The following PDE11A variants were observed in gnomAD, a reference collection of about 807,000 sequenced individuals.
PDE11A encodes dual 3',5'-cyclic-AMP and -GMP phosphodiesterase 11A.
Under a neutral mutation model 100.5 loss-of-function variants are expected in PDE11A, and 100 were observed. The observed-to-expected ratio is 1.00, with a 90% CI of 0.85 to 1.18. The LOEUF is 1.18. Among genes scored for constraint, PDE11A ranks in the 50% most tolerant of loss-of-function variants. The probability of loss-of-function intolerance (pLI) is 0.00; values close to 1 mark genes in which losing one functional copy is unlikely to be tolerated. For synonymous variants in PDE11A, 381 were observed against 420.8 expected, an observed-to-expected ratio of 0.91 and a Z score of 1.16; for missense variants, 1,141 against 1,152.6, an observed-to-expected ratio of 0.99 and a Z score of 0.15.
At chr2:177,630,101 A>C (rs1477820138) in intron 19 of PDE11A, among the ~76,000 whole-genome samples, 2 of 152,228 alleles carry the variant, frequency 1.3e-5, no homozygotes, top group Non-Finnish European at 2.9e-5. Flanking sequence ...AAATATACAA[A>C]GCATGGAAAC....
chr2:177,967,523 TATA>T (rs765466382), intron 2 of PDE11A, among the ~76,000 whole-genome samples: 9 of 152,196 alleles, frequency 5.9e-5, no homozygotes, highest in African/African-American at 9.6e-5. Flanking sequence ...TGATTGTGTT[TATA>T]ATAAAGGTTT....
Position 177,940,865 on chromosome 2 carries a change from A to C in PDE11A, c.1072-35678T>G, listed in dbSNP as rs577608485. Among the ~76,000 whole-genome samples the C allele has an allele frequency of 2.6e-5, 4 of 152,360 alleles. No homozygotes were observed. The South Asian group carries it at 8.3e-4, about 32-fold the overall frequency. ...GAAGAAATGGTGCTTCATGATGCAC[A>C]TGCTGGGAAGCACTGACTTGTTTTC... On this transcript the variant is annotated intron_variant, in intron 2 of 19. Coordinates refer to ENST00000286063, the MANE Select transcript of PDE11A (RefSeq NM_016953.4).
chr2:177,788,343 G>A (rs999976239), intron 9 of PDE11A, among the ~76,000 whole-genome samples: 2 of 144,426 alleles, frequency 1.4e-5, no homozygotes, highest in Non-Finnish European at 3.0e-5. Flanking sequence ...AAACCAACGA[G>A]AACAAAGACA....
At chr2:178,032,575 G>A (rs919975747) in intron 1 of PDE11A, among the ~76,000 whole-genome samples, 1 of 152,070 alleles carries the variant, frequency 6.6e-6, no homozygotes, top group Non-Finnish European at 1.5e-5. Context: ...TCCTCAAGTG[G>A]GTCCCTGACC....
At chr2:177,799,988 G>A (rs532714898) in intron 9 of PDE11A, among the ~76,000 whole-genome samples, 1 of 152,088 alleles carries the variant, frequency 6.6e-6, no homozygotes, top group East Asian at 1.9e-4. Flanking sequence ...TTTTACTGGC[G>A]TTAATTCACT....
At chr2:177,679,537 T>C (rs2080829129) in intron 16 of PDE11A, among the ~76,000 whole-genome samples, 2 of 152,082 alleles carry the variant, frequency 1.3e-5, no homozygotes, top group Admixed American at 1.3e-4. Flanking sequence ...TCAAAGGAGA[T>C]CTGGGGGCTT....
rs1196623507 is a variant in PDE11A at position 177,870,037 on chromosome 2, C to T, written c.1367+5822G>A. ...TCATGCACGAGTTTAGTTATATCAGCCTCTTGTTTTGAAATTTATTTCACT... is the reference window on the plus strand; with the variant it reads ...TCATGCACGAGTTTAGTTATATCAGTCTCTTGTTTTGAAATTTATTTCACT... On this transcript the variant is annotated intron_variant, in intron 5 of 19. Transcript: ENST00000286063. Among the ~76,000 whole-genome samples, 6 of 152,140 alleles carry T rather than the reference C, an allele frequency of 3.9e-5. No homozygotes were observed. In the East Asian group the frequency reaches 5.8e-4, roughly 15 times the overall value.
chr2:177,811,459 A>G (rs1351136220), intron 9 of PDE11A, among the ~76,000 whole-genome samples: 1 of 151,850 alleles, frequency 6.6e-6, no homozygotes, highest in Non-Finnish European at 1.5e-5. Context: ...TAAGAAAAAC[A>G]GTCATCAAAA....
intron 10 of PDE11A, among the ~76,000 whole-genome samples, chr2:177,735,612 G>A (rs985012447): frequency 6.6e-6 from 1 of 152,200 alleles, no homozygotes; most frequent in Non-Finnish European, 1.5e-5. Context: ...GCAATACCAG[G>A]AGGCACAGAC....
intron 1 of PDE11A, among the ~76,000 whole-genome samples, chr2:178,064,640 C>A (rs2087019391): frequency 6.6e-6 from 1 of 150,696 alleles, no homozygotes; most frequent in Non-Finnish European, 1.5e-5. Context: ...CCTCTACCTT[C>A]TGTTATTATG....
At chr2:177,819,226 T>C (rs2083094824) in intron 7 of PDE11A, among the ~76,000 whole-genome samples, 1 of 152,084 alleles carries the variant, frequency 6.6e-6, no homozygotes, top group Non-Finnish European at 1.5e-5. Context: ...TTCAGTAACA[T>C]ACCAATATTC....
At chr2:177,817,831 A>ATACAAAC in intron 8 of PDE11A, 27 bp downstream of exon 8, 1 of 1,070,520 alleles carries the variant, frequency 9.3e-7, no homozygotes, top group Non-Finnish European at 1.5e-6. Context: ...TGATGACTCC[A>ATACAAAC]CTTGGTTTAT....
Position 177,845,742 on chromosome 2 carries a change from T to C in PDE11A, c.1368-5359A>G, listed in dbSNP as rs368149866. ...CCACTGCACTCCAGCCTGGGCACCA[T>C]TGAGCACTGAGTGAACGAGACTCCG... On this transcript the variant is annotated intron_variant, in intron 5 of 19. Coordinates refer to ENST00000286063, the MANE Select transcript of PDE11A (RefSeq NM_016953.4). 5.1e-4 allele frequency among the ~76,000 whole-genome samples: 78 copies of C among 152,236 alleles called. No individual in the cohort carries two copies. The East Asian group carries it at 5.6e-3, about 11-fold the overall frequency.
At chr2:177,892,353 C>A (rs1035349528) in intron 4 of PDE11A, among the ~76,000 whole-genome samples, 14 of 152,146 alleles carry the variant, frequency 9.2e-5, no homozygotes, top group Non-Finnish European at 2.1e-4. Flanking sequence ...AATAATACAT[C>A]ATTCTCCCCA....
intron 12 of PDE11A, among the ~76,000 whole-genome samples, chr2:177,715,476 T>C (rs746333786): frequency 6.6e-6 from 1 of 152,042 alleles, no homozygotes; most frequent in Non-Finnish European, 1.5e-5. Flanking sequence ...CTTTTCTTTT[T>C]TTTTTAAAAT....
intron 19 of PDE11A, 86 bp downstream of exon 19, chr2:177,663,780 T>C (rs1326586272): frequency 1.2e-6 from 1 of 817,270 alleles, no homozygotes; most frequent in Non-Finnish European, 2.2e-6. Flanking sequence ...CCTGGAAATG[T>C]CTCCTCAAAT....
chr2:178,026,881 C>T (rs2086485615), intron 1 of PDE11A, among the ~76,000 whole-genome samples: 1 of 152,048 alleles, frequency 6.6e-6, no homozygotes, highest in Non-Finnish European at 1.5e-5. Context: ...TATCTCACAT[C>T]AGACATCAAA....
At chr2:177,751,334 C>T (rs762698355) in intron 10 of PDE11A, among the ~76,000 whole-genome samples, 29 of 151,238 alleles carry the variant, frequency 1.9e-4, no homozygotes, top group Non-Finnish European at 4.0e-4. Flanking sequence ...CCACCCAGAA[C>T]CTTTCCTGAA....
At chr2:178,087,508 T>C (rs1241668587) in intron 2 of PDE11A, among the ~76,000 whole-genome samples, 1 of 152,132 alleles carries the variant, frequency 6.6e-6, no homozygotes, top group Non-Finnish European at 1.5e-5. Context: ...ATGCTGTCAC[T>C]TAAAAGTAGG....
Sources: gnomAD v4.1 joint callset for allele counts (sites outside exome capture counted in the v4.1 genomes callset) on GRCh38, gnomAD v4.1.1 for gene constraint, MANE v1.5 for transcripts, NCBI Gene and HGNC (gene_info 2026-07-23, HGNC 2026-07-21) for gene names.